Variants in PRMT8 observed in about 807,000 individuals in gnomAD.
The protein encoded by PRMT8 is protein arginine N-methyltransferase 8.
A neutral mutation model predicts 47.1 loss-of-function variants in PRMT8; 7 were observed. The observed-to-expected ratio is 0.15, with a 90% confidence interval of 0.08 to 0.28. The LOEUF (loss-of-function observed/expected upper bound fraction) is 0.28, where lower values mean the gene tolerates loss of function less well. PRMT8 is among the 10% of genes least tolerant of loss of function. The pLI is 1.00. For missense variants in PRMT8, 237 were observed against 505.4 expected (o/e 0.47, Z 5.09); for synonymous variants, 188 against 186.5 (o/e 1.01, Z -0.07).
chr12:3,411,430 T>C (rs1864428570), intron 1 of PRMT8, among the ~76,000 whole-genome samples: 1 of 152,208 alleles, frequency 6.6e-6, no homozygotes, highest in Non-Finnish European at 1.5e-5. Flanking sequence ...TTTCTAGTTC[T>C]CCAGGGAGTC....
At position 3,569,381 on chromosome 12, in the gene PRMT8, G is replaced by C; in HGVS notation, c.625-96G>C. On this transcript the variant is annotated intron_variant, in intron 5 of 9. Transcript: ENST00000382622. The surrounding 1 kb of genome is among the most constrained non-coding windows in gnomAD (Gnocchi z 8.2). ...CACTGCATGAGAGATGGTGGCAAGG[G>C]GGTGCTTGTCTGGTGACTCTATGTG... 1 of 995,546 alleles carries C rather than the reference G, an allele frequency of 1.0e-6. No individual in the cohort carries two copies. The highest frequency in any genetic ancestry group is 1.6e-6 in the Non-Finnish European group (1 of 618,572). The allele number at this position is 995,546 out of a possible 1,614,324, so 61.7% of individuals were successfully genotyped here.
At chr12:3,568,979 C>G (rs1591607840) in intron 5 of PRMT8, 131 bp downstream of exon 5, 2 of 1,253,822 alleles carry the variant, frequency 1.6e-6, no homozygotes, top group East Asian at 2.3e-5. Flanking sequence ...CCCCAAGCCC[C>G]TCTCTCTAGA....
intron 1 of PRMT8, among the ~76,000 whole-genome samples, chr12:3,408,186 TCCTCCCTTCCTCCCTC>T: frequency 6.6e-6 from 1 of 150,550 alleles, no homozygotes; most frequent in Non-Finnish European, 1.5e-5. Flanking sequence ...CTTCCTTCCT[TCCTCCCTTCCTCCCTC>T]CCTCCCTTCC....
chr12:3,544,335 C>G (rs1402586311), intron 2 of PRMT8, among the ~76,000 whole-genome samples: 1 of 152,216 alleles, frequency 6.6e-6, no homozygotes, highest in Admixed American at 6.5e-5. Context: ...AACCTAACTC[C>G]TGGGGCCTGG....
intron 1 of PRMT8, among the ~76,000 whole-genome samples, chr12:3,449,466 T>A (rs372845864): frequency 6.6e-6 from 1 of 152,238 alleles, no homozygotes; most frequent in Non-Finnish European, 1.5e-5. Context: ...GTGGTTTTGA[T>A]TTGCATTTCT....
At chr12:3,592,810 C>T (rs1214971051) in intron 9 of PRMT8, among the ~76,000 whole-genome samples, 1 of 152,218 alleles carries the variant, frequency 6.6e-6, no homozygotes, top group African/African-American at 2.4e-5. Flanking sequence ...TGAAGGTCAC[C>T]TCACAGAACA....
intron 1 of PRMT8, among the ~76,000 whole-genome samples, chr12:3,457,593 G>A (rs1864988583): frequency 6.6e-6 from 1 of 152,164 alleles, no homozygotes; most frequent in South Asian, 2.1e-4. Context: ...GCAGGCGTGA[G>A]CCACCATGGC....
chr12:3,471,884 G>T (rs1348145269), intron 1 of PRMT8, among the ~76,000 whole-genome samples: 3 of 151,956 alleles, frequency 2.0e-5, no homozygotes, highest in African/African-American at 7.2e-5. Flanking sequence ...CCCTGTGGAG[G>T]GGCTTTCTCT....
chr12:3,399,412 C>G (rs1300486343), intron 1 of PRMT8, among the ~76,000 whole-genome samples: 1 of 152,138 alleles, frequency 6.6e-6, no homozygotes, highest in East Asian at 1.9e-4. Context: ...GAGGGAGAAA[C>G]TTCTACCAGT....
At chr12:3,494,889 G>T (rs1391774812) in intron 1 of PRMT8, among the ~76,000 whole-genome samples, 1 of 152,148 alleles carries the variant, frequency 6.6e-6, no homozygotes, top group Non-Finnish European at 1.5e-5. Context: ...GCAGGTATGG[G>T]TATAAGGAAA....
At chr12:3,472,021 G>C (rs1359968652) in intron 1 of PRMT8, among the ~76,000 whole-genome samples, 1 of 152,182 alleles carries the variant, frequency 6.6e-6, no homozygotes, top group Non-Finnish European at 1.5e-5. Flanking sequence ...GCTCTCGGGT[G>C]GGGGCAGTGC....
intron 7 of PRMT8, among the ~76,000 whole-genome samples, chr12:3,578,043 G>C (rs916535480): frequency 1.3e-5 from 2 of 152,046 alleles, no homozygotes; most frequent in African/African-American, 4.8e-5. Flanking sequence ...AATATATTAT[G>C]TTGAACCATA....
intron 4 of PRMT8, among the ~76,000 whole-genome samples, chr12:3,555,336 T>C (rs185293785): frequency 1.4e-4 from 21 of 152,230 alleles, no homozygotes; most frequent in African/African-American, 4.6e-4. Flanking sequence ...GAAGCTCAAA[T>C]TTGAATGACA....
chr12:3,473,736 C>A (rs966396942), intron 1 of PRMT8, among the ~76,000 whole-genome samples: 1 of 152,112 alleles, frequency 6.6e-6, no homozygotes, highest in African/African-American at 2.4e-5. Flanking sequence ...TCCTTTATTG[C>A]CTATCTTGGT....
At chr12:3,464,407 T>A (rs1865071234) in intron 1 of PRMT8, among the ~76,000 whole-genome samples, 1 of 152,212 alleles carries the variant, frequency 6.6e-6, no homozygotes, top group Non-Finnish European at 1.5e-5. Context: ...TTCAACTTGC[T>A]ATATAATTTG....
rs571565057 is a variant in PRMT8, at chr12:3,471,058, C to T, written c.49-69548C>T. ...GCTCTAGGGGCCTGGAACCAAGTGA[C>T]GCAGCGCTCAGAGAAGCAGAAGGAG... is the stretch of plus-strand genomic sequence containing the variant. On this transcript the variant is annotated intron_variant, in intron 1 of 9. Coordinates refer to the PRMT8 transcript ENST00000452611. Among the ~76,000 whole-genome samples the T allele has an allele frequency of 3.2e-4, 49 of 152,186 alleles. 2 individuals carry two copies. The South Asian group carries it at 9.0e-3, about 28-fold the overall frequency.
chr12:3,427,713 T>G (rs1222352593), intron 1 of PRMT8, among the ~76,000 whole-genome samples: 1 of 152,190 alleles, frequency 6.6e-6, no homozygotes, highest in African/African-American at 2.4e-5. Context: ...GACAATTTTT[T>G]GACATGCCTC....
chr12:3,474,226 G>A (rs1221913037), intron 1 of PRMT8, among the ~76,000 whole-genome samples: 1 of 152,182 alleles, frequency 6.6e-6, no homozygotes, highest in Non-Finnish European at 1.5e-5. Flanking sequence ...TGGAGAGAGG[G>A]GCTCAGATAG....
chr12:3,574,968 A>G lies in PRMT8; in HGVS notation c.713-1903A>G, dbSNP rs192450830. 2.6e-5 allele frequency among the ~76,000 whole-genome samples: 4 copies of G among 152,282 alleles called. No homozygotes were observed. In the East Asian group the frequency reaches 7.7e-4, roughly 29 times the overall value. ...TACGTTTTATCTGGGGAGAGGGTGG[A>G]TAGCTATTTCCACATTCTAGAGGGG... is the stretch of plus-strand genomic sequence containing the variant. On this transcript the variant is annotated intron_variant, in intron 6 of 9. Coordinates refer to ENST00000382622, the MANE Select transcript of PRMT8 (RefSeq NM_019854.5).
Sources: allele counts gnomAD v4.1 joint callset (sites outside exome capture counted in the v4.1 genomes callset), GRCh38; gene constraint gnomAD v4.1.1; non-coding constraint Gnocchi (gnomAD v3.1); transcripts MANE v1.5; gene names NCBI Gene and HGNC (gene_info 2026-07-23, HGNC 2026-07-21).